PRKCE: variants seen among roughly 807,000 people sequenced by gnomAD.
PRKCE encodes protein kinase C epsilon type.
In PRKCE, 16 loss-of-function variants were observed where a neutral mutation model predicts 85.4. The observed-to-expected ratio is 0.19, with a 90% CI of 0.13 to 0.28. The LOEUF (loss-of-function observed/expected upper bound fraction) is 0.28, where lower values mean the gene tolerates loss of function less well. Among genes scored for constraint, PRKCE ranks in the 10% least tolerant of loss-of-function variants. The probability of loss-of-function intolerance (pLI) is 1.00; values close to 1 mark genes in which losing one functional copy is unlikely to be tolerated. For missense variants in PRKCE, 573 were observed against 975.2 expected (o/e 0.59, Z 5.49); for synonymous variants, 388 against 371.5 (o/e 1.04, Z -0.51).
chr2:45,979,092 G>C, intron 4 of PRKCE, 82 bp downstream of exon 4: 1 of 1,340,788 alleles, frequency 7.5e-7, no homozygotes, highest in Non-Finnish European at 1.0e-6. Context: ...CAGGTGCTCA[G>C]TCTGATGACA....
chr2:45,973,957 G>A (rs1702270351), intron 2 of PRKCE, among the ~76,000 whole-genome samples: 1 of 152,156 alleles, frequency 6.6e-6, no homozygotes, highest in Admixed American at 6.5e-5. Flanking sequence ...TTAGGAGACG[G>A]GCTTACTGTT....
chr2:46,097,595 C>A (rs954035874), intron 11 of PRKCE, among the ~76,000 whole-genome samples: 10 of 148,926 alleles, frequency 6.7e-5, no homozygotes, highest in Non-Finnish European at 1.1e-4. Context: ...TTGCACCCAG[C>A]CACCTTCATG....
chr2:45,872,734 A>G (rs570791155), intron 2 of PRKCE, among the ~76,000 whole-genome samples: 2 of 152,228 alleles, frequency 1.3e-5, no homozygotes, highest in Admixed American at 6.5e-5. Flanking sequence ...GGAAGGACAG[A>G]GTTGGTGTTA....
At chr2:45,988,301 C>T (rs555031404) in intron 6 of PRKCE, among the ~76,000 whole-genome samples, 15 of 152,288 alleles carry the variant, frequency 9.8e-5, no homozygotes, top group Admixed American at 3.9e-4. Flanking sequence ...CTTGGGTCTA[C>T]GAGGAGGGAT....
intron 1 of PRKCE, among the ~76,000 whole-genome samples, chr2:45,841,305 G>A (rs187794955): frequency 6.6e-6 from 1 of 152,322 alleles, no homozygotes; most frequent in East Asian, 1.9e-4. Flanking sequence ...GTCCGTGTCC[G>A]AAAACCTGAA....
At chr2:45,820,803 A>T (rs376479374) in intron 1 of PRKCE, among the ~76,000 whole-genome samples, 52 of 152,214 alleles carry the variant, frequency 3.4e-4, no homozygotes, top group African/African-American at 1.0e-3. Context: ...AAGAGTTTAC[A>T]GTTGAGGCCC....
chr2:46,058,975 G>A (rs1402481559), intron 10 of PRKCE, among the ~76,000 whole-genome samples: 3 of 152,204 alleles, frequency 2.0e-5, no homozygotes, highest in Non-Finnish European at 1.5e-5. Context: ...TTGGATTACA[G>A]GCATGAGCTA....
At chr2:46,157,975 G>A (rs545945508) in intron 13 of PRKCE, among the ~76,000 whole-genome samples, 17 of 152,346 alleles carry the variant, frequency 1.1e-4, no homozygotes, top group Admixed American at 1.0e-3. Context: ...CACAACCTGT[G>A]CAACAATAAG....
At chr2:45,888,101 T>A (rs1473016090) in intron 2 of PRKCE, among the ~76,000 whole-genome samples, 1 of 152,176 alleles carries the variant, frequency 6.6e-6, no homozygotes, top group Non-Finnish European at 1.5e-5. Flanking sequence ...AGCCAGAACA[T>A]GGAATCGTTG....
intron 13 of PRKCE, among the ~76,000 whole-genome samples, chr2:46,158,865 T>G (rs1439021053): frequency 1.3e-5 from 2 of 152,242 alleles, no homozygotes; most frequent in South Asian, 4.1e-4. Flanking sequence ...CCCTCAGGAC[T>G]GACTCATTTA....
At chr2:45,758,803 G>A (rs1157446736) in intron 1 of PRKCE, among the ~76,000 whole-genome samples, 6 of 152,182 alleles carry the variant, frequency 3.9e-5, no homozygotes, top group Non-Finnish European at 7.3e-5. Context: ...AATTTTTGTT[G>A]ACTAGAAGAT....
At chr2:45,693,703 A>T (rs1677920877) in intron 1 of PRKCE, among the ~76,000 whole-genome samples, 1 of 152,120 alleles carries the variant, frequency 6.6e-6, no homozygotes, top group Admixed American at 6.5e-5. Flanking sequence ...AAATTGCAAG[A>T]GGTTAAGGAG....
chr2:45,666,731 T>C (rs1244186165), intron 1 of PRKCE, among the ~76,000 whole-genome samples: 2 of 152,118 alleles, frequency 1.3e-5, no homozygotes, highest in Non-Finnish European at 2.9e-5. Flanking sequence ...CTTTCTCTCT[T>C]TTCTTTAGCA....
chr2:46,064,917 T>G (rs1667484539), intron 10 of PRKCE, among the ~76,000 whole-genome samples: 1 of 152,356 alleles, frequency 6.6e-6, no homozygotes, highest in South Asian at 2.1e-4. Flanking sequence ...GGCCCCATTG[T>G]TGCCAACACC....
At chr2:45,936,832 C>G (rs142864485) in intron 2 of PRKCE, among the ~76,000 whole-genome samples, 1 of 152,148 alleles carries the variant, frequency 6.6e-6, no homozygotes, top group East Asian at 1.9e-4. Context: ...AGACTTCCTC[C>G]AATCCACAAC....
At chr2:45,862,527 G>C (rs1449601585) in intron 2 of PRKCE, among the ~76,000 whole-genome samples, 1 of 152,186 alleles carries the variant, frequency 6.6e-6, no homozygotes, top group East Asian at 1.9e-4. Flanking sequence ...GAATGCATCA[G>C]GCATTGCCTA....
At chr2:46,146,099 G>T (rs964374381) in intron 12 of PRKCE, among the ~76,000 whole-genome samples, 1 of 152,182 alleles carries the variant, frequency 6.6e-6, no homozygotes, top group Non-Finnish European at 1.5e-5. Flanking sequence ...ACTCCAATAG[G>T]TTGCCTTTCC....
intron 6 of PRKCE, among the ~76,000 whole-genome samples, chr2:45,995,716 A>G (rs1285361807): frequency 1.3e-5 from 2 of 151,942 alleles, no homozygotes; most frequent in Non-Finnish European, 2.9e-5. Context: ...TGTTCCATTG[A>G]TGTTTTGCCA....
chr2:45,944,869 G>A (rs1050314911), intron 2 of PRKCE, among the ~76,000 whole-genome samples: 3 of 152,056 alleles, frequency 2.0e-5, no homozygotes, highest in African/African-American at 7.2e-5. Flanking sequence ...TGGACATTTA[G>A]GTTGGCGGAT....
Sources: gnomAD v4.1 joint callset for allele counts (sites outside exome capture counted in the v4.1 genomes callset) on GRCh38, gnomAD v4.1.1 for gene constraint, MANE v1.5 for transcripts, NCBI Gene and HGNC (gene_info 2026-07-23, HGNC 2026-07-21) for gene names.